The following PTPRD variants were observed in gnomAD, a reference collection of about 807,000 sequenced individuals.
PTPRD encodes protein tyrosine phosphatase receptor type D.
PTPRD carries 34 observed loss-of-function variants against 214.5 expected under a neutral mutation model. The observed-to-expected ratio is 0.16, with a 90% CI of 0.12 to 0.21. PTPRD has a LOEUF of 0.21. Ranked by LOEUF, PTPRD falls within the 10% of genes least tolerant of loss-of-function variation. PTPRD has a pLI of 1.00. For synonymous variants in PTPRD, 1,128 were observed against 845.7 expected, an observed-to-expected ratio of 1.33 and a Z score of -5.79; for missense variants, 2,545 against 2,398.7, an observed-to-expected ratio of 1.06 and a Z score of -1.27.
intron 5 of PTPRD, among the ~76,000 whole-genome samples, chr9:9,931,424 G>T (rs746665510): frequency 1.3e-5 from 2 of 152,224 alleles, no homozygotes; most frequent in African/African-American, 4.8e-5. Flanking sequence ...GAAGTGCAAG[G>T]TGTCAGGGAG....
chr9:8,375,882 G>C (rs776079309), intron 39 of PTPRD, 54 bp downstream of exon 39: 137 of 1,570,366 alleles, frequency 8.7e-5, no homozygotes, highest in Admixed American at 3.1e-4. Flanking sequence ...AACATCCAAT[G>C]AGAGTCAATT....
chr9:9,625,464 G>A (rs1464510518), intron 7 of PTPRD, among the ~76,000 whole-genome samples: 1 of 152,102 alleles, frequency 6.6e-6, no homozygotes. Context: ...TTAACCATAG[G>A]CAGCTCCAGC....
intron 4 of PTPRD, among the ~76,000 whole-genome samples, chr9:9,957,883 G>GAA (rs112178494): frequency 7.2e-6 from 1 of 139,370 alleles, no homozygotes; most frequent in Non-Finnish European, 1.6e-5. Context: ...GACAGGGTGA[G>GAA]AAAAAAAAAA....
chr9:9,298,982 T>C (rs536781309), intron 9 of PTPRD, among the ~76,000 whole-genome samples: 14 of 151,946 alleles, frequency 9.2e-5, no homozygotes, highest in African/African-American at 3.4e-4. Context: ...TGCTAATTAA[T>C]ATACTTTAAG....
At chr9:10,156,278 C>T (rs1373834930) in intron 3 of PTPRD, among the ~76,000 whole-genome samples, 5 of 151,916 alleles carry the variant, frequency 3.3e-5, no homozygotes, top group Non-Finnish European at 5.9e-5. Flanking sequence ...ATTTAGTGCT[C>T]TAAATTTCCT....
intron 9 of PTPRD, among the ~76,000 whole-genome samples, chr9:9,291,848 A>G (rs1397040855): frequency 1.3e-5 from 2 of 150,256 alleles, no homozygotes; most frequent in Non-Finnish European, 3.0e-5. Context: ...ATATATGTGT[A>G]TATGTGTGTG....
At chr9:10,132,981 C>T (rs1327171549) in intron 3 of PTPRD, among the ~76,000 whole-genome samples, 1 of 152,144 alleles carries the variant, frequency 6.6e-6, no homozygotes. Flanking sequence ...TCTGCCTTGG[C>T]ATTGTCTCTC....
intron 11 of PTPRD, among the ~76,000 whole-genome samples, chr9:8,928,481 T>A (rs2098920312): frequency 1.3e-5 from 2 of 152,154 alleles, no homozygotes; most frequent in African/African-American, 2.4e-5. Context: ...ATTGCTTTTT[T>A]TGGTCAGGTT....
chr9:8,837,409 A>C (rs2097453812), intron 11 of PTPRD, among the ~76,000 whole-genome samples: 1 of 152,224 alleles, frequency 6.6e-6, no homozygotes, highest in Non-Finnish European at 1.5e-5. Flanking sequence ...AATTGAGACA[A>C]GATTTTGGAA....
chr9:8,414,216 A>G (rs2093730408), intron 35 of PTPRD, among the ~76,000 whole-genome samples: 1 of 152,190 alleles, frequency 6.6e-6, no homozygotes. Flanking sequence ...AATTTAAATA[A>G]ACAGAATGGC....
chr9:9,947,610 A>T (rs1300661398), intron 4 of PTPRD, among the ~76,000 whole-genome samples: 56 of 55,960 alleles, frequency 1.0e-3, no homozygotes, highest in African/African-American at 4.6e-3. Context: ...TATATATTTT[A>T]TATATATATA....
intron 9 of PTPRD, among the ~76,000 whole-genome samples, chr9:9,269,456 A>G (rs1941837962): frequency 6.6e-6 from 1 of 151,240 alleles, no homozygotes; most frequent in Non-Finnish European, 1.5e-5. Context: ...GTTCCTCAAA[A>G]AAAATAAAAA....
chr9:8,929,936 T>TATATGTGTGTGTATATATATGTGTATAC (rs1567065934), intron 11 of PTPRD, among the ~76,000 whole-genome samples: 2 of 149,946 alleles, frequency 1.3e-5, no homozygotes, highest in African/African-American at 4.9e-5. Flanking sequence ...TATGTGTATA[T>TATATGTGTGTGTATATATATGTGTATAC]ATATATGTGT....
intron 10 of PTPRD, among the ~76,000 whole-genome samples, chr9:9,020,930 A>T (rs1024431279): frequency 6.6e-6 from 1 of 152,176 alleles, no homozygotes; most frequent in Non-Finnish European, 1.5e-5. Flanking sequence ...TAGGGGCCAG[A>T]AGCTAATTTT....
intron 5 of PTPRD, among the ~76,000 whole-genome samples, chr9:9,931,805 C>T (rs1285969493): frequency 6.6e-6 from 1 of 151,564 alleles, no homozygotes; most frequent in East Asian, 2.0e-4. Flanking sequence ...CAGCAGTAAC[C>T]TCTGCAGACT....
chr9:10,026,080 G>A (rs1057224138), intron 4 of PTPRD, among the ~76,000 whole-genome samples: 4 of 152,192 alleles, frequency 2.6e-5, no homozygotes, highest in East Asian at 3.9e-4. Flanking sequence ...AATTGATGGT[G>A]TTTCTGGAGA....
At chr9:8,435,625 G>C (rs930276318) in intron 35 of PTPRD, among the ~76,000 whole-genome samples, 12 of 151,718 alleles carry the variant, frequency 7.9e-5, no homozygotes, top group African/African-American at 2.2e-4. Flanking sequence ...CTTCATTAAG[G>C]GTCCTTGTTG....
chr9:8,493,978 G>A (rs531321095), intron 26 of PTPRD, among the ~76,000 whole-genome samples: 9 of 146,272 alleles, frequency 6.2e-5, no homozygotes, highest in East Asian at 2.0e-4. Context: ...AGACACATGC[G>A]CACACACACA....
intron 12 of PTPRD, among the ~76,000 whole-genome samples, chr9:8,665,307 A>T (rs1361766431): frequency 3.3e-5 from 5 of 152,240 alleles, no homozygotes; most frequent in African/African-American, 1.2e-4. Flanking sequence ...CACTGTAGGC[A>T]GCCCTTCCCC....
Sources: gnomAD v4.1 joint callset for allele counts (sites outside exome capture counted in the v4.1 genomes callset) on GRCh38, gnomAD v4.1.1 for gene constraint, MANE v1.5 for transcripts, NCBI Gene and HGNC (gene_info 2026-07-23, HGNC 2026-07-21) for gene names.